SERPINB3: variants seen among roughly 807,000 people sequenced by gnomAD.
SERPINB3 encodes the protein serpin family B member 3.
In SERPINB3, 33 loss-of-function variants were observed where a neutral mutation model predicts 33.0. The ratio of observed to expected loss-of-function variants is 1.00; its 90% confidence interval spans 0.76 to 1.34. The LOEUF is 1.34. Among genes scored for constraint, SERPINB3 ranks in the 40% most tolerant of loss-of-function variants. The pLI is 0.00. For synonymous variants in SERPINB3, 200 were observed against 170.9 expected (o/e 1.17, Z -1.33); for missense variants, 518 against 461.5 (o/e 1.12, Z -1.12).
At position 63,660,860 on chromosome 18, in the gene SERPINB3, G is replaced by T. The variant is rs1279441982; in HGVS notation, c.166-4C>A. 3 of 1,613,320 alleles carry T rather than the reference G, an allele frequency of 1.9e-6. No homozygotes were observed. Among genetic ancestry groups the T allele is most frequent in the Non-Finnish European group, 1.7e-6 (2 of 1,179,572 alleles). On this transcript the variant is annotated splice_region_variant and splice_polypyrimidine_tract_variant and intron_variant, in intron 2 of 7. Coordinates refer to ENST00000283752, the MANE Select transcript of SERPINB3 (RefSeq NM_006919.3). ...TGACTTGATCAAAGTGAAGAACCTG[G>T]AAGAGACATGAAGCGGGACAAGAAA...
In SERPINB3 at chr18:63,657,274, T is replaced by C. The variant is rs767775887; in HGVS notation, c.608A>G (p.Asn203Ser). 2 of 1,556,558 alleles carry C rather than the reference T, an allele frequency of 1.3e-6. No homozygotes were observed. Among genetic ancestry groups the C allele is most frequent in the Non-Finnish European group, 1.8e-6 (2 of 1,138,658 alleles). ...TAAATAAAATATAGACAATACCTTG[T>C]TTGGCCAAAATTTTTCCTCTTTAGT... ...EDTKEEKFWPNKNTYKSIQMM... is the reference protein window; with the variant it reads ...EDTKEEKFWPSKNTYKSIQMM... Residue 203 changes from asparagine (N) to serine (S), a missense_variant, in exon 6 of 8, where the codon AAC becomes AGC. By Grantham distance (46) the Asn-to-Ser change is conservative. Transcript: ENST00000283752.
At chr18:63,657,215 GA>G in intron 6 of SERPINB3, 54 bp downstream of exon 6, 1 of 1,039,390 alleles carries the variant, frequency 9.6e-7, no homozygotes, top group Non-Finnish European at 1.4e-6. Context: ...CATTCCATCA[GA>G]AATGTTTAAA....
intron 3 of SERPINB3, 37 bp from the exon 4 acceptor site, chr18:63,659,564 T>C: frequency 2.5e-6 from 4 of 1,612,966 alleles, no homozygotes; most frequent in Non-Finnish European, 3.4e-6. Flanking sequence ...TCAATTGCTG[T>C]ATCAATGTAA....
rs1568169910 is a variant in SERPINB3 at position 63,655,854 on chromosome 18, A to G, written c.976T>C (p.Ser326Pro). ...ACAAAGGCCTTGTGTAGGACTCCAG[A>G]TAGCACGAGACCGCGGCTCCCGGTC... ...GMTGSRGLVL[S>P]GVLHKAFVEV... The change falls in exon 8 of 8, where the codon TCT (serine) becomes CCT (proline). Residue 326 changes from serine to proline, a missense_variant. Transcript: ENST00000283752. The G allele has an allele frequency of 1.9e-6, 3 of 1,613,942 alleles. No individual in the cohort carries two copies. The highest frequency in any genetic ancestry group is 3.3e-5 in the Admixed American group (2 of 59,968).
At chr18:63,660,150 A>T (rs543634727) in intron 3 of SERPINB3, among the ~76,000 whole-genome samples, 1 of 152,288 alleles carries the variant, frequency 6.6e-6, no homozygotes, top group Non-Finnish European at 1.5e-5. Context: ...ATAGAGACAT[A>T]AATTAGAAGT....
At chr18:63,657,621 C>G (rs1297452319) in intron 5 of SERPINB3, among the ~76,000 whole-genome samples, 1 of 152,106 alleles carries the variant, frequency 6.6e-6, no homozygotes, top group Non-Finnish European at 1.5e-5. Context: ...TAAAGTTGCC[C>G]TTAATGGAGA....
In SERPINB3 at chr18:63,658,513, C is replaced by T. The variant is rs1246797811; in HGVS notation, c.469G>A (p.Glu157Lys). Residue 157 changes from glutamate to lysine, a missense_variant and splice_region_variant, in exon 5 of 8, where the codon GAA (glutamate) becomes AAA (lysine). Transcript: ENST00000283752. ...TTTCTATAATGGGTGGCTCTCCTAC[C>T]ATTCGTTTGACTTTCCACCCAGGAG... ...INSWVESQTN[E>K]KIKNLIPEGN... 3.7e-6 allele frequency: 6 copies of T among 1,610,478 alleles called. No homozygotes were observed. Among genetic ancestry groups the T allele is most frequent in the Non-Finnish European group, 5.1e-6 (6 of 1,177,726 alleles).
chr18:63,661,748 C>G (rs1180917906), intron 1 of SERPINB3, 98 bp downstream of exon 1: 1 of 154,664 alleles, frequency 6.5e-6, no homozygotes, highest in Non-Finnish European at 1.4e-5. Flanking sequence ...AAAATATAAT[C>G]AGACAGAATG....
intron 3 of SERPINB3, among the ~76,000 whole-genome samples, 155 bp from the exon 4 acceptor site, chr18:63,659,682 C>T (rs1913591787): frequency 6.6e-6 from 1 of 152,078 alleles, no homozygotes; most frequent in African/African-American, 2.4e-5. Context: ...CCTCAAATAC[C>T]CTTCAAAATC....
In SERPINB3 at chr18:63,656,888, T is replaced by TAAGC; in HGVS notation, c.710_711insGCTT (p.Gly238LeufsTer14). 6.2e-7 allele frequency: 1 copy of TAAGC among 1,613,564 alleles called. No homozygotes were observed. The highest frequency in any genetic ancestry group is 1.1e-5 in the South Asian group (1 of 90,996). ...ACACAATCATGCTTAGATCTTTGCC[T>TAAGC]TTGTATGGTATTTCCAGGACCTTGG... On this transcript the variant is annotated frameshift_variant, in exon 7 of 8. Transcript: ENST00000283752. LOFTEE classifies it high-confidence loss of function.
rs1027791806 is a variant in SERPINB3, at chr18:63,655,499, C to T, written c.*158G>A. On this transcript the variant is annotated 3_prime_UTR_variant, in exon 8 of 8. Coordinates refer to ENST00000283752, the MANE Select transcript of SERPINB3 (RefSeq NM_006919.3). ...GCTTATTAAGAGAAAGAGAGAAAGG[C>T]ATGCTATTTTAATCATTAAATTCTT... is the stretch of plus-strand genomic sequence containing the variant. 3.8e-5 allele frequency: 29 copies of T among 772,784 alleles called. No homozygotes were observed. The highest frequency in any genetic ancestry group is 5.7e-5 in the Non-Finnish European group (28 of 489,714). The allele number at this position is 772,784 out of a possible 1,614,324, so 47.9% of individuals were successfully genotyped here.
In SERPINB3 at chr18:63,655,810, T is replaced by C. The variant is rs1598936117; in HGVS notation, c.1020A>G (p.Gly340=). 1.2e-6 allele frequency: 2 copies of C among 1,613,804 alleles called. No homozygotes were observed. Among genetic ancestry groups the C allele is most frequent in the Non-Finnish European group, 1.7e-6 (2 of 1,179,902 alleles). ...HKAFVEVTEE[G]AEAAAATAVV... ...CAGCGGTGGCAGCTGCAGCTTCTGC[T>C]CCCTCCTCTGTAACCTCCACAAAGG... Residue 340 remains glycine, a synonymous_variant, in exon 8 of 8, where the codon GGA becomes GGG. Transcript: ENST00000283752.
chr18:63,657,624 A>G (rs1017101480), intron 5 of SERPINB3, among the ~76,000 whole-genome samples: 4 of 152,244 alleles, frequency 2.6e-5, no homozygotes, highest in Admixed American at 6.5e-5. Context: ...AGTTGCCCTT[A>G]ATGGAGACAT....
In SERPINB3 at chr18:63,657,311, T is replaced by C; in HGVS notation, c.571A>G (p.Asn191Asp). ...TTTTCCTCTTTAGTATCTTCTTTAT[T>C]AAATTTCTTCTCCCACTGCCCTTTG... Reference protein sequence around the residue: ...YFKGQWEKKFNKEDTKEEKFW... With the variant: ...YFKGQWEKKFDKEDTKEEKFW... Residue 191 changes from asparagine to aspartate, a missense_variant, in exon 6 of 8, where the codon AAT becomes GAT. Physicochemically the swap from Asn to Asp is conservative, Grantham distance 23. Transcript: ENST00000283752. 2 of 1,606,294 alleles carry C rather than the reference T, an allele frequency of 1.2e-6. No individual in the cohort carries two copies. Among genetic ancestry groups the C allele is most frequent in the South Asian group, 1.1e-5 (1 of 89,974 alleles).
chr18:63,658,438 C>T (rs1913553757), intron 5 of SERPINB3, 75 bp downstream of exon 5: 1 of 1,243,474 alleles, frequency 8.0e-7, no homozygotes, highest in Non-Finnish European at 1.2e-6. Flanking sequence ...CCCATGGTCC[C>T]CCATGCAGTT....
Position 63,661,334 on chromosome 18 carries a change from T to A in SERPINB3, c.-26-92A>T, listed in dbSNP as rs553279329. On this transcript the variant is annotated intron_variant, in intron 1 of 7. Coordinates refer to ENST00000283752, the MANE Select transcript of SERPINB3 (RefSeq NM_006919.3). ...TTCTTAAAGAAATTATATATCTGTG[T>A]TGTGAGATTTTGACATTTAAAGTTT... 34 of 1,368,492 alleles carry A rather than the reference T, an allele frequency of 2.5e-5. No homozygotes were observed. In the South Asian group the frequency reaches 4.5e-4, roughly 18 times the overall value. The allele number at this position is 1,368,492 out of a possible 1,614,324, so 84.8% of individuals were successfully genotyped here. A position where few individuals can be genotyped will look rare whatever the true frequency, so the allele number is the denominator to read the frequency against.
Position 63,661,179 on chromosome 18 carries a change from A to G in SERPINB3, c.38T>C (p.Phe13Ser). ...SLSEANTKFM[F>S]DLFQQFRKSK... ...TTTTCTGAACTGTTGGAACAGGTCG[A>G]ACATGAACTTGGTGTTGGCTTCACT... Residue 13 changes from phenylalanine (F) to serine (S), a missense_variant, in exon 2 of 8, where the codon TTC becomes TCC. Physicochemically the swap from Phe to Ser is radical, Grantham distance 155 (BLOSUM62 -2). Transcript: ENST00000283752. 1 of 1,613,628 alleles carries G rather than the reference A, an allele frequency of 6.2e-7. No homozygotes were observed. The highest frequency in any genetic ancestry group is 8.5e-7 in the Non-Finnish European group (1 of 1,179,612).
At position 63,655,855 on chromosome 18, in the gene SERPINB3, T is replaced by C; in HGVS notation, c.975A>G (p.Leu325=). The change falls in exon 8 of 8, where the codon CTA becomes CTG. Residue 325 remains leucine, a synonymous_variant. Transcript: ENST00000283752. ...SGMTGSRGLV[L]SGVLHKAFVE... The stretch of plus-strand genomic sequence containing the variant: ...CAAAGGCCTTGTGTAGGACTCCAGA[T>C]AGCACGAGACCGCGGCTCCCGGTCA... 1 of 1,613,982 alleles carries C rather than the reference T, an allele frequency of 6.2e-7. No individual in the cohort carries two copies.
Position 63,660,047 on chromosome 18 carries a change from A to C in SERPINB3, c.223-520T>G, listed in dbSNP as rs189300604. On this transcript the variant is annotated intron_variant, in intron 3 of 7. Coordinates refer to ENST00000283752, the MANE Select transcript of SERPINB3 (RefSeq NM_006919.3). ...CACGTAAGAAGAGTGTGTGCCAGGT[A>C]CATGGCTAAGGACTTTACATGGGTA... Among the ~76,000 whole-genome samples the C allele has an allele frequency of 1.8e-4, 28 of 152,300 alleles. 1 individual carries two copies. Among genetic ancestry groups the C allele is most frequent in the African/African-American group, 3.8e-4 (16 of 41,572 alleles).
Sources: allele counts gnomAD v4.1 joint callset (sites outside exome capture counted in the v4.1 genomes callset), GRCh38; gene constraint gnomAD v4.1.1; transcripts MANE v1.5; gene names NCBI Gene and HGNC (gene_info 2026-07-23, HGNC 2026-07-21).